Variants in TMEM266 observed in about 807,000 individuals in gnomAD.
TMEM266 encodes the protein transmembrane protein 266, also known as Hv1 related protein 1.
Under a neutral mutation model 50.5 loss-of-function variants are expected in TMEM266, and 33 were observed. The ratio of observed to expected loss-of-function variants is 0.65; its 90% CI spans 0.50 to 0.87. TMEM266 has a LOEUF of 0.87. Ranked by LOEUF, TMEM266 falls within the 40% of genes least tolerant of loss-of-function variation. TMEM266 has a pLI of 0.00. For synonymous variants in TMEM266, 310 were observed against 292.3 expected (o/e 1.06, Z -0.62); for missense variants, 655 against 695.1 (o/e 0.94, Z 0.65).
chr15:76,194,733 CTGCACATGGCGTCCTCTCTA>C (rs1297453013), intron 9 of TMEM266, among the ~76,000 whole-genome samples: 2 of 152,224 alleles, frequency 1.3e-5, no homozygotes, highest in Non-Finnish European at 2.9e-5. Context: ...CTGCCTTCAT[CTGCACATGGCGTCCTCTCTA>C]TGCACATGTC....
At chr15:76,063,296 G>A (rs989600138) in intron 1 of TMEM266, among the ~76,000 whole-genome samples, 1 of 152,140 alleles carries the variant, frequency 6.6e-6, no homozygotes, top group Non-Finnish European at 1.5e-5. Flanking sequence ...GACCTAAGGG[G>A]CAGAGCCAAG....
At chr15:76,201,788 G>A (rs1302571379) in intron 9 of TMEM266, among the ~76,000 whole-genome samples, 1 of 152,206 alleles carries the variant, frequency 6.6e-6, no homozygotes, top group Non-Finnish European at 1.5e-5. Flanking sequence ...GCTGTGTCCT[G>A]CAAATGGGAT....
chr15:76,200,752 C>T (rs562441466), intron 9 of TMEM266, among the ~76,000 whole-genome samples: 8 of 152,346 alleles, frequency 5.3e-5, no homozygotes, highest in Admixed American at 1.3e-4. Flanking sequence ...TGGCAGTACA[C>T]ACAGCGTATG....
intron 1 of TMEM266, among the ~76,000 whole-genome samples, chr15:76,067,121 A>G (rs1283707898): frequency 6.6e-6 from 1 of 152,228 alleles, no homozygotes; most frequent in Admixed American, 6.5e-5. Flanking sequence ...TTTGAAGAAT[A>G]CAGAACTTAG....
intron 1 of TMEM266, among the ~76,000 whole-genome samples, chr15:76,096,091 G>C (rs1211002646): frequency 6.6e-6 from 1 of 151,924 alleles, no homozygotes; most frequent in Admixed American, 6.6e-5. Flanking sequence ...TTTTTTGAAG[G>C]ATTTTTCTTG....
intron 3 of TMEM266, among the ~76,000 whole-genome samples, chr15:76,148,128 G>C (rs1375790996): frequency 2.0e-5 from 3 of 152,236 alleles, no homozygotes; most frequent in Non-Finnish European, 4.4e-5. Context: ...ACCTGGGTCG[G>C]GGGTGTGTCG....
At position 76,175,635 on chromosome 15, in the gene TMEM266, G is replaced by A; in HGVS notation, c.729G>A (p.Glu243=). Reference sequence around the variant, plus strand: ...AGAAGGCCAAGGTCATCCAAGACGAGCAGCTGGAGAGGCTGACGCAGATCT... The same window carrying A: ...AGAAGGCCAAGGTCATCCAAGACGAACAGCTGGAGAGGCTGACGCAGATCT... Residue 243 remains glutamate (E), a synonymous_variant, in exon 8 of 11, where the codon GAG becomes GAA. Coordinates refer to ENST00000388942, the MANE Select transcript of TMEM266 (RefSeq NM_152335.3). The A allele has an allele frequency of 6.2e-7, 1 of 1,614,208 alleles. No homozygotes were observed. Among genetic ancestry groups the A allele is most frequent in the Non-Finnish European group, 8.5e-7 (1 of 1,180,002 alleles).
In TMEM266 at chr15:76,160,051, T is replaced by TA. The variant is rs2037993126; in HGVS notation, c.383-42dup. On this transcript the variant is annotated intron_variant, in intron 4 of 10. Transcript: ENST00000388942. This position sits in a 1 kb window ranked among gnomAD's most constrained non-coding sequence, Gnocchi z 5.7. ...TGCGAAGCCCCCATAGCAACGCACC[T>TA]AATTCCTCACTCCTAAAATTGGTCC... 1 of 1,588,662 alleles carries TA rather than the reference T, an allele frequency of 6.3e-7. No individual in the cohort carries two copies. The highest frequency in any genetic ancestry group is 1.7e-5 in the Admixed American group (1 of 59,922).
intron 1 of TMEM266, among the ~76,000 whole-genome samples, chr15:76,110,179 A>T (rs530361386): frequency 5.4e-5 from 8 of 148,034 alleles, no homozygotes; most frequent in Non-Finnish European, 8.9e-5. Flanking sequence ...TTTTTTTTGT[A>T]TCTTTAGTAG....
intron 1 of TMEM266, among the ~76,000 whole-genome samples, chr15:76,089,681 G>A (rs1016476310): frequency 6.6e-6 from 1 of 152,122 alleles, no homozygotes; most frequent in African/African-American, 2.4e-5. Context: ...TGCGTTTTTT[G>A]TTTTGGGATG....
intron 6 of TMEM266, 136 bp from the exon 7 acceptor site, chr15:76,170,857 C>A: frequency 9.5e-7 from 1 of 1,050,818 alleles, no homozygotes; most frequent in Admixed American, 2.8e-5. Context: ...GGAGGGGCCA[C>A]CCGGGGTGGG....
chr15:76,075,273 AAT>A (rs978844905), intron 1 of TMEM266, among the ~76,000 whole-genome samples: 3 of 152,140 alleles, frequency 2.0e-5, no homozygotes, highest in African/African-American at 7.3e-5. Flanking sequence ...GGGGCTGAGT[AAT>A]GAGCCCTAGG....
chr15:76,062,099 C>T (rs2036314445), intron 1 of TMEM266, among the ~76,000 whole-genome samples: 1 of 152,154 alleles, frequency 6.6e-6, no homozygotes, highest in Non-Finnish European at 1.5e-5. Context: ...TTCTCATGGA[C>T]TTAGAAATTG....
intron 1 of TMEM266, among the ~76,000 whole-genome samples, chr15:76,071,437 AG>A (rs1242021935): frequency 1.3e-5 from 2 of 152,140 alleles, no homozygotes; most frequent in Admixed American, 6.5e-5. Context: ...GGGCAGTGTG[AG>A]GGAAAGTACG....
Position 76,137,848 on chromosome 15 carries a change from G to A in TMEM266, c.180G>A (p.Ala60=), listed in dbSNP as rs1447160458. Reference sequence around the variant, plus strand: ...TGGCTGCTGTCGATCTCTCCACGGCGGGCTCGCAGCTCCTGTCAAATCTGG... The same window carrying A: ...TGGCTGCTGTCGATCTCTCCACGGCAGGCTCGCAGCTCCTGTCAAATCTGG... The change falls in exon 3 of 11, where the codon GCG becomes GCA. Residue 60 remains alanine (A), a synonymous_variant. Transcript: ENST00000388942. The A allele has an allele frequency of 1.4e-5, 22 of 1,604,436 alleles. No individual in the cohort carries two copies. The highest frequency in any genetic ancestry group is 8.1e-5 in the African/African-American group (6 of 74,452).
chr15:76,159,228 C>G (rs1444448053), intron 4 of TMEM266, among the ~76,000 whole-genome samples: 1 of 152,240 alleles, frequency 6.6e-6, no homozygotes, highest in Non-Finnish European at 1.5e-5. Context: ...TCCATCAGAG[C>G]TCACCTGACC....
chr15:76,062,467 G>GTT (rs750794369), intron 1 of TMEM266, among the ~76,000 whole-genome samples: 5 of 152,310 alleles, frequency 3.3e-5, no homozygotes, highest in South Asian at 2.1e-4. Flanking sequence ...ATTCCCTGGT[G>GTT]TTTACAGAAA....
intron 1 of TMEM266, among the ~76,000 whole-genome samples, chr15:76,102,346 AAAAT>A (rs2037012787): frequency 1.3e-5 from 2 of 152,182 alleles, no homozygotes; most frequent in Non-Finnish European, 2.9e-5. Context: ...GTTCTGAAGA[AAAAT>A]AAAGCTGGGA....
At chr15:76,118,583 G>A (rs2037289294) in intron 1 of TMEM266, among the ~76,000 whole-genome samples, 1 of 152,148 alleles carries the variant, frequency 6.6e-6, no homozygotes, top group Admixed American at 6.5e-5. Context: ...GGAAACTTGA[G>A]GGCAAGGGTT....
Sources: gnomAD v4.1 joint callset for allele counts (sites outside exome capture counted in the v4.1 genomes callset) on GRCh38, gnomAD v4.1.1 for gene constraint, Gnocchi (gnomAD v3.1) non-coding constraint, MANE v1.5 for transcripts, NCBI Gene and HGNC (gene_info 2026-07-23, HGNC 2026-07-21) for gene names.